DNAH3: variants seen among roughly 807,000 people sequenced by gnomAD.
The protein encoded by DNAH3 is dynein axonemal heavy chain 3.
Under a neutral mutation model 432.5 loss-of-function variants are expected in DNAH3, and 332 were observed. The observed-to-expected ratio is 0.77, with a 90% CI of 0.70 to 0.84. The LOEUF is 0.84. Ranked by LOEUF, DNAH3 falls within the 40% of genes least tolerant of loss-of-function variation. The probability of loss-of-function intolerance (pLI) is 0.00; values close to 1 mark genes in which losing one functional copy is unlikely to be tolerated. For missense variants in DNAH3, 4,861 were observed against 5,114.0 expected (o/e 0.95, Z 1.51); for synonymous variants, 1,956 against 1,900.2 (o/e 1.03, Z -0.76).
chr16:21,007,924 A>G (rs2152698393), intron 41 of DNAH3, among the ~76,000 whole-genome samples: 1 of 152,322 alleles, frequency 6.6e-6, no homozygotes, highest in Admixed American at 6.5e-5. Context: ...TGTATAATTC[A>G]GTTGTTCCAG....
chr16:20,941,320 A>G (rs1010435084), intron 59 of DNAH3, 81 bp downstream of exon 59: 2 of 1,564,084 alleles, frequency 1.3e-6, no homozygotes, highest in African/African-American at 2.7e-5. Flanking sequence ...TCTGCATAGC[A>G]ACCCCTTCTC....
At chr16:21,027,560 CTGAGCA>C (rs1476150238) in intron 37 of DNAH3, among the ~76,000 whole-genome samples, 2 of 152,230 alleles carry the variant, frequency 1.3e-5, no homozygotes, top group African/African-American at 4.8e-5. Context: ...AACAAAGAGG[CTGAGCA>C]TGGTGGCTCA....
At chr16:20,948,765 C>G in intron 56 of DNAH3, 128 bp from the exon 57 acceptor site, 1 of 1,035,854 alleles carries the variant, frequency 9.7e-7, no homozygotes, top group Non-Finnish European at 1.4e-6. Context: ...GGACAGCAAG[C>G]AGGAAAATTC....
chr16:21,131,510 AAG>A (rs1176431903), intron 7 of DNAH3, among the ~76,000 whole-genome samples: 67 of 140,890 alleles, frequency 4.8e-4, no homozygotes, highest in African/African-American at 1.4e-3. Flanking sequence ...AGAGAGAAGG[AAG>A]GAAGGAAGGA....
chr16:20,976,709 T>TGA (rs768437193), intron 50 of DNAH3, among the ~76,000 whole-genome samples: 1 of 152,092 alleles, frequency 6.6e-6, no homozygotes, highest in Non-Finnish European at 1.5e-5. Context: ...GTCATAAGGG[T>TGA]GAGGCCCACA....
At chr16:20,972,238 C>CTT (rs567074716) in intron 51 of DNAH3, among the ~76,000 whole-genome samples, 38 of 143,048 alleles carry the variant, frequency 2.7e-4, no homozygotes, top group African/African-American at 8.0e-4. Context: ...TTTTTTCTCT[C>CTT]TTTTTTTTTT....
chr16:21,122,800 C>CTGT (rs2092371725), intron 9 of DNAH3, among the ~76,000 whole-genome samples: 1 of 151,064 alleles, frequency 6.6e-6, no homozygotes, highest in African/African-American at 2.4e-5. Context: ...TCTACTTCCT[C>CTGT]TGTTTTTTTT....
rs532239699 is a variant in DNAH3 at position 21,013,185 on chromosome 16, A to G, written c.6022+6439T>C. 2.0e-5 allele frequency among the ~76,000 whole-genome samples: 3 copies of G among 152,278 alleles called. No homozygotes were observed. The South Asian group carries it at 6.2e-4, about 32-fold the overall frequency. On this transcript the variant is annotated intron_variant, in intron 41 of 61. Transcript: ENST00000261383. ...TTATTGCAGAAATCATGAAATTGAC[A>G]ACAGGAAATTAATAGATAAAATTAA...
intron 11 of DNAH3, among the ~76,000 whole-genome samples, chr16:21,118,172 G>A (rs763765216): frequency 4.6e-5 from 7 of 151,890 alleles, no homozygotes; most frequent in Non-Finnish European, 8.8e-5. Flanking sequence ...ATTTTTAGTA[G>A]AGACAGAGCT....
intron 51 of DNAH3, among the ~76,000 whole-genome samples, chr16:20,970,915 A>G (rs2085314769): frequency 7.3e-6 from 1 of 137,484 alleles, no homozygotes; most frequent in African/African-American, 2.8e-5. Flanking sequence ...TCCAGGCTGG[A>G]CTGTAGCAGC....
chr16:21,075,833 C>T (rs2090954514), intron 20 of DNAH3, among the ~76,000 whole-genome samples: 1 of 142,032 alleles, frequency 7.0e-6, no homozygotes, highest in Admixed American at 7.8e-5. Flanking sequence ...TCGCCTGAGC[C>T]TGGGAGGTAG....
chr16:20,939,335 G>A (rs2083715356), intron 59 of DNAH3, among the ~76,000 whole-genome samples: 1 of 152,170 alleles, frequency 6.6e-6, no homozygotes, highest in African/African-American at 2.4e-5. Context: ...CCCTAGGCCG[G>A]GCACAGTGGC....
chr16:21,013,580 G>A (rs1466932353), intron 41 of DNAH3, among the ~76,000 whole-genome samples: 3 of 151,894 alleles, frequency 2.0e-5, no homozygotes, highest in Admixed American at 6.6e-5. Context: ...TTAGCCAGGC[G>A]TGGTGACACA....
intron 53 of DNAH3, among the ~76,000 whole-genome samples, chr16:20,960,732 G>A (rs969165838): frequency 2.6e-5 from 4 of 152,142 alleles, no homozygotes; most frequent in Non-Finnish European, 5.9e-5. Context: ...AACAAAAGGC[G>A]GCCAAGGCCA....
chr16:21,057,965 G>A (rs2152748939), intron 27 of DNAH3, 121 bp downstream of exon 27: 1 of 699,186 alleles, frequency 1.4e-6, no homozygotes, highest in East Asian at 2.6e-5. Flanking sequence ...CCTGATGTCT[G>A]TGATGCTGAG....
chr16:20,956,889 A>G lies in DNAH3; in HGVS notation c.10827-1832T>C, dbSNP rs537522034. 3.3e-5 allele frequency among the ~76,000 whole-genome samples: 5 copies of G among 152,072 alleles called. No homozygotes were observed. The East Asian group carries it at 9.7e-4, about 29-fold the overall frequency. ...CAGACATGCACCACCGCACCTGGCT[A>G]ATTTTTGTATTTTTAGTAGAGACAG... On this transcript the variant is annotated intron_variant, in intron 54 of 61. Transcript: ENST00000261383.
intron 61 of DNAH3, among the ~76,000 whole-genome samples, chr16:20,934,798 A>G (rs549780400): frequency 6.6e-6 from 1 of 152,208 alleles, no homozygotes; most frequent in Non-Finnish European, 1.5e-5. Flanking sequence ...TTGGCTTAAC[A>G]TTGTCTTCAA....
intron 44 of DNAH3, among the ~76,000 whole-genome samples, chr16:20,990,522 T>C (rs1260944785): frequency 6.6e-6 from 1 of 152,184 alleles, no homozygotes; most frequent in Non-Finnish European, 1.5e-5. Context: ...AAAAGAAACC[T>C]TGTACCCATT....
intron 8 of DNAH3, 131 bp downstream of exon 9, chr16:21,127,556 G>T: frequency 1.8e-6 from 2 of 1,117,644 alleles, no homozygotes; most frequent in Non-Finnish European, 2.5e-6. Context: ...AAGAGACTCT[G>T]TCTCAAAAAA....
Sources: gnomAD v4.1 joint callset for allele counts (sites outside exome capture counted in the v4.1 genomes callset) on GRCh38, gnomAD v4.1.1 for gene constraint, MANE v1.5 for transcripts, NCBI Gene and HGNC (gene_info 2026-07-23, HGNC 2026-07-21) for gene names.